DAB1: variants seen among roughly 807,000 people sequenced by gnomAD.
DAB1 encodes the protein disabled homolog 1.
DAB1 carries 15 observed loss-of-function variants against 64.6 expected under a neutral mutation model. The ratio of observed to expected loss-of-function variants is 0.23; its 90% confidence interval spans 0.16 to 0.36. The LOEUF is 0.36. Among genes scored for constraint, DAB1 ranks in the 10% least tolerant of loss-of-function variants. DAB1 has a pLI of 1.00. For missense variants in DAB1, 596 were observed against 706.7 expected, an observed-to-expected ratio of 0.84 and a Z score of 1.78; for synonymous variants, 235 against 251.9, an observed-to-expected ratio of 0.93 and a Z score of 0.64.
intron 4 of DAB1, among the ~76,000 whole-genome samples, chr1:57,101,140 G>C (rs977880985): frequency 6.6e-6 from 1 of 152,100 alleles, no homozygotes; most frequent in African/African-American, 2.4e-5. Flanking sequence ...ATGGTACTGG[G>C]TCTGACTTCT....
At chr1:57,617,243 C>CA (rs1369922809) in intron 7 of DAB1, among the ~76,000 whole-genome samples, 1 of 152,124 alleles carries the variant, frequency 6.6e-6, no homozygotes, top group Non-Finnish European at 1.5e-5. Flanking sequence ...GGGTATGAAC[C>CA]ATTCCCATCC....
At chr1:58,130,625 C>G (rs1405726596) in intron 5 of DAB1, among the ~76,000 whole-genome samples, 1 of 152,026 alleles carries the variant, frequency 6.6e-6, no homozygotes, top group Non-Finnish European at 1.5e-5. Flanking sequence ...TTAGTCCTTC[C>G]TTCAGGAGCT....
intron 7 of DAB1, among the ~76,000 whole-genome samples, chr1:57,597,082 C>T (rs1419215998): frequency 6.6e-6 from 1 of 152,162 alleles, no homozygotes; most frequent in Non-Finnish European, 1.5e-5. Flanking sequence ...GCACCAACAC[C>T]CCCGCTCAGC....
intron 4 of DAB1, among the ~76,000 whole-genome samples, chr1:58,223,296 G>A (rs1393529512): frequency 6.6e-6 from 1 of 152,214 alleles, no homozygotes; most frequent in African/African-American, 2.4e-5. Flanking sequence ...TTTCTGTCCA[G>A]AGAAAATTCT....
chr1:57,141,892 G>A (rs1004160065), intron 3 of DAB1, among the ~76,000 whole-genome samples: 8 of 152,122 alleles, frequency 5.3e-5, no homozygotes, highest in African/African-American at 1.9e-4. Context: ...GGGCAAAACT[G>A]TGTCTTGTCG....
intron 6 of DAB1, among the ~76,000 whole-genome samples, chr1:57,732,181 G>C (rs912974472): frequency 1.3e-5 from 2 of 152,170 alleles, no homozygotes; most frequent in Non-Finnish European, 2.9e-5. Flanking sequence ...ATTATTGTGG[G>C]GGTATCATGC....
intron 1 of DAB1, among the ~76,000 whole-genome samples, chr1:57,346,540 C>A (rs1678117306): frequency 2.0e-5 from 3 of 152,150 alleles, no homozygotes; most frequent in Non-Finnish European, 4.4e-5. Context: ...CACAGAGATG[C>A]AAATTTATAA....
intron 7 of DAB1, among the ~76,000 whole-genome samples, chr1:57,456,342 C>G (rs1422244022): frequency 2.0e-5 from 3 of 152,082 alleles, no homozygotes; most frequent in Admixed American, 1.3e-4. Context: ...GCATCTCTCA[C>G]CATTAAAAGA....
intron 5 of DAB1, among the ~76,000 whole-genome samples, chr1:58,072,482 A>G (rs1254224913): frequency 1.3e-5 from 2 of 152,164 alleles, no homozygotes; most frequent in African/African-American, 4.8e-5. Context: ...AATTTTTCCA[A>G]TCCTCAGTTT....
chr1:58,429,224 C>G (rs1644847315), intron 3 of DAB1, among the ~76,000 whole-genome samples: 1 of 152,114 alleles, frequency 6.6e-6, no homozygotes, highest in Admixed American at 6.6e-5. Flanking sequence ...TAACAAGACT[C>G]TGTCTCTAAA....
At chr1:58,443,837 A>C (rs911074150) in intron 3 of DAB1, among the ~76,000 whole-genome samples, 2 of 152,248 alleles carry the variant, frequency 1.3e-5, no homozygotes, top group Non-Finnish European at 2.9e-5. Context: ...TAGTAATTAC[A>C]GTTCCCATTT....
chr1:57,804,950 G>C (rs1283225547), intron 6 of DAB1, among the ~76,000 whole-genome samples: 1 of 152,204 alleles, frequency 6.6e-6, no homozygotes, highest in East Asian at 1.9e-4. Flanking sequence ...CAGCCTCTCG[G>C]GTGGAGGAAG....
chr1:57,276,150 G>A (rs1017642694), intron 2 of DAB1, among the ~76,000 whole-genome samples: 7 of 152,228 alleles, frequency 4.6e-5, no homozygotes, highest in African/African-American at 1.4e-4. Context: ...GTGTTTGCAC[G>A]CTTGTGTGCA....
chr1:57,376,680 C>T (rs1483672949), intron 1 of DAB1, among the ~76,000 whole-genome samples: 1 of 152,130 alleles, frequency 6.6e-6, no homozygotes, highest in Non-Finnish European at 1.5e-5. Flanking sequence ...AAGTGCCTGT[C>T]ACACAGTAGA....
intron 4 of DAB1, among the ~76,000 whole-genome samples, chr1:58,336,895 G>GCTTAA (rs1663130302): frequency 6.6e-6 from 1 of 152,048 alleles, no homozygotes; most frequent in Non-Finnish European, 1.5e-5. Context: ...CCCAGATCTG[G>GCTTAA]GCCCAACACT....
At chr1:57,985,861 G>A (rs1202569550) in intron 5 of DAB1, among the ~76,000 whole-genome samples, 2 of 152,154 alleles carry the variant, frequency 1.3e-5, no homozygotes, top group East Asian at 1.9e-4. Context: ...CAGAAAGGGT[G>A]TGAACAACCT....
chr1:57,554,127 G>T (rs1644959723), intron 7 of DAB1, among the ~76,000 whole-genome samples: 1 of 152,218 alleles, frequency 6.6e-6, no homozygotes, highest in African/African-American at 2.4e-5. Flanking sequence ...ATCTCCTAAG[G>T]AGACAACAGA....
chr1:57,708,729 G>A (rs925936813), intron 6 of DAB1, among the ~76,000 whole-genome samples: 7 of 152,166 alleles, frequency 4.6e-5, no homozygotes, highest in South Asian at 2.1e-4. Flanking sequence ...CGACAGTACC[G>A]AGTCCCACTC....
At chr1:57,698,646 G>C (rs78532437) in intron 6 of DAB1, among the ~76,000 whole-genome samples, 5,493 of 152,242 alleles carry the variant, frequency 0.036, 346 homozygotes, top group African/African-American at 0.13. Context: ...GATGGAGAGA[G>C]AAATGATTGA....
Sources: gnomAD v4.1 joint callset for allele counts (sites outside exome capture counted in the v4.1 genomes callset) on GRCh38, gnomAD v4.1.1 for gene constraint, MANE v1.5 for transcripts, NCBI Gene and HGNC (gene_info 2026-07-23, HGNC 2026-07-21) for gene names.